The following BMPER variants were observed in gnomAD, a reference collection of about 807,000 sequenced individuals.
BMPER encodes the protein BMP-binding endothelial regulator protein.
Under a neutral mutation model 87.3 loss-of-function variants are expected in BMPER, and 45 were observed. The observed-to-expected ratio is 0.52, with a 90% CI of 0.41 to 0.66. The LOEUF (loss-of-function observed/expected upper bound fraction) is 0.66, where lower values mean the gene tolerates loss of function less well. Ranked by LOEUF, BMPER falls within the 30% of genes least tolerant of loss-of-function variation. BMPER has a pLI of 0.00. For missense variants in BMPER, 784 were observed against 867.5 expected, an observed-to-expected ratio of 0.90 and a Z score of 1.21; for synonymous variants, 326 against 316.2, an observed-to-expected ratio of 1.03 and a Z score of -0.33.
chr7:33,976,032 A>G (rs1249658209), intron 6 of BMPER, among the ~76,000 whole-genome samples: 6 of 152,188 alleles, frequency 3.9e-5, no homozygotes, highest in Admixed American at 3.3e-4. Flanking sequence ...TACATCAGGT[A>G]TATAATAATA....
At chr7:34,103,046 A>C (rs909099895) in intron 13 of BMPER, among the ~76,000 whole-genome samples, 1 of 152,148 alleles carries the variant, frequency 6.6e-6, no homozygotes, top group Non-Finnish European at 1.5e-5. Flanking sequence ...AGTTTGAAAA[A>C]TACAAAGGGC....
chr7:34,089,389 T>C (rs568995713), intron 13 of BMPER, among the ~76,000 whole-genome samples: 26 of 152,316 alleles, frequency 1.7e-4, no homozygotes, highest in Non-Finnish European at 3.4e-4. Context: ...AATTCTATGA[T>C]AATTATGAGA....
chr7:33,987,316 G>T (rs564649030), intron 6 of BMPER, among the ~76,000 whole-genome samples: 2 of 152,212 alleles, frequency 1.3e-5, no homozygotes, highest in African/African-American at 4.8e-5. Flanking sequence ...TGTTTGGTGT[G>T]TGAGCCGCGA....
intron 2 of BMPER, among the ~76,000 whole-genome samples, chr7:33,934,424 G>T (rs886356669): frequency 6.7e-6 from 1 of 149,208 alleles, no homozygotes; most frequent in South Asian, 2.1e-4. Flanking sequence ...CAATGTGACC[G>T]TTGATAGAAT....
chr7:34,056,021 T>A (rs1788274786), intron 9 of BMPER, among the ~76,000 whole-genome samples: 1 of 152,210 alleles, frequency 6.6e-6, no homozygotes, highest in Admixed American at 6.5e-5. Flanking sequence ...CCCATGAGAA[T>A]CAAGACCCAC....
rs552090455 is a variant in BMPER at position 33,974,258 on chromosome 7, G to A, written c.494-444G>A. Among the ~76,000 whole-genome samples the A allele has an allele frequency of 8.7e-4, 133 of 152,242 alleles. 2 individuals carry two copies. Among genetic ancestry groups the A allele is most frequent in the African/African-American group, 3.1e-3 (129 of 41,536 alleles). ...GGAGTGAGATTGGGGTACCTAGGAC[G>A]CGATAGAGGCTGTGCCCTTCTTAGG... On this transcript the variant is annotated intron_variant, in intron 5 of 14. Coordinates refer to ENST00000649409, the MANE Select transcript of BMPER (RefSeq NM_001365308.1).
At chr7:33,946,721 A>G (rs1240984305) in intron 3 of BMPER, among the ~76,000 whole-genome samples, 1 of 152,224 alleles carries the variant, frequency 6.6e-6, no homozygotes, top group African/African-American at 2.4e-5. Flanking sequence ...TTTTCCTCCG[A>G]AAAAGATGCT....
chr7:33,974,853 C>A, intron 6 of BMPER, 69 bp downstream of exon 6: 6 of 1,443,552 alleles, frequency 4.2e-6, no homozygotes, highest in Admixed American at 1.7e-5. Flanking sequence ...ACCAAGAGCA[C>A]CCCCGGTCTC....
At chr7:34,041,495 C>T (rs1439549141) in intron 6 of BMPER, among the ~76,000 whole-genome samples, 1 of 152,122 alleles carries the variant, frequency 6.6e-6, no homozygotes, top group Non-Finnish European at 1.5e-5. Context: ...AATCTTTACT[C>T]CAGGAAGTTA....
chr7:34,013,132 A>T (rs1171327230), intron 6 of BMPER, among the ~76,000 whole-genome samples: 1 of 151,448 alleles, frequency 6.6e-6, no homozygotes, highest in Non-Finnish European at 1.5e-5. Context: ...GCCCCAGCTC[A>T]TCTCTGCTTG....
chr7:34,084,225 C>T (rs183727216), intron 12 of BMPER, among the ~76,000 whole-genome samples: 23 of 152,200 alleles, frequency 1.5e-4, no homozygotes, highest in African/African-American at 4.6e-4. Context: ...TGCTTGAACC[C>T]GGGAGGTGGA....
intron 6 of BMPER, among the ~76,000 whole-genome samples, chr7:34,041,705 G>C (rs748064578): frequency 6.6e-6 from 1 of 152,046 alleles, no homozygotes; most frequent in Non-Finnish European, 1.5e-5. Context: ...CACTAAAGAC[G>C]TATTTCTCCC....
intron 13 of BMPER, among the ~76,000 whole-genome samples, chr7:34,124,886 A>C (rs1263037125): frequency 6.6e-6 from 1 of 152,036 alleles, no homozygotes; most frequent in East Asian, 1.9e-4. Flanking sequence ...TGTTACATTT[A>C]TTGTATATTA....
Position 34,153,349 on chromosome 7 carries a change from G to T in BMPER, c.*76G>T. 6.7e-7 allele frequency: 1 copy of T among 1,486,274 alleles called. No homozygotes were observed. Among genetic ancestry groups the T allele is most frequent in the Non-Finnish European group, 9.4e-7 (1 of 1,066,538 alleles). The allele number at this position is 1,486,274 out of a possible 1,614,324, so 92.1% of individuals were successfully genotyped here. A position where few individuals can be genotyped will look rare whatever the true frequency, so the allele number is the denominator to read the frequency against. On this transcript the variant is annotated 3_prime_UTR_variant, in exon 15 of 15. Coordinates refer to ENST00000649409, the MANE Select transcript of BMPER (RefSeq NM_001365308.1). ...GCGGAAGAGCCAATGAAGGACTGCA[G>T]TATTTGTGTGCCCGATTCTGTAAAC...
At chr7:33,981,890 T>G (rs1221745499) in intron 6 of BMPER, among the ~76,000 whole-genome samples, 3 of 152,192 alleles carry the variant, frequency 2.0e-5, no homozygotes, top group South Asian at 4.1e-4. Context: ...GTTTGAAAAG[T>G]GTTCCTAAGC....
At chr7:34,115,830 A>G (rs1790104381) in intron 13 of BMPER, among the ~76,000 whole-genome samples, 1 of 152,178 alleles carries the variant, frequency 6.6e-6, no homozygotes, top group African/African-American at 2.4e-5. Context: ...TCTGTTTTCA[A>G]TTCTTTAGGA....
chr7:33,923,501 G>C (rs1784284417), intron 2 of BMPER, among the ~76,000 whole-genome samples: 1 of 152,198 alleles, frequency 6.6e-6, no homozygotes, highest in South Asian at 2.1e-4. Flanking sequence ...AGGTTGGAAG[G>C]TGTGATAATT....
At chr7:33,970,180 C>T in intron 4 of BMPER, 149 bp from the exon 5 acceptor site, 2 of 735,918 alleles carry the variant, frequency 2.7e-6, no homozygotes, top group South Asian at 1.5e-5. Flanking sequence ...TGGATCTCAC[C>T]TCGTTGGTGT....
In BMPER at chr7:34,078,865, G is replaced by A. The variant is rs117322489; in HGVS notation, c.1087G>A (p.Val363Ile). Residue 363 changes from valine (V) to isoleucine (I), a missense_variant, in exon 12 of 15, where the codon GTT becomes ATT. Transcript: ENST00000649409. Reference sequence around the variant, plus strand: ...CTCTCACTCCTCCGCAGAGCCCGGCGTTTGCACGGTGTTTGGAGATCCCCA... The same window carrying A: ...CTCTCACTCCTCCGCAGAGCCCGGCATTTGCACGGTGTTTGGAGATCCCCA... ...CCPICTEKPG[V>I]CTVFGDPHYN... 7.4e-4 allele frequency: 1,196 copies of A among 1,614,040 alleles called. 4 individuals are homozygous for A. The African/African-American group carries it at 0.014, about 18-fold the overall frequency.
Sources: gnomAD v4.1 joint callset for allele counts (sites outside exome capture counted in the v4.1 genomes callset) on GRCh38, gnomAD v4.1.1 for gene constraint, MANE v1.5 for transcripts, NCBI Gene and HGNC (gene_info 2026-07-23, HGNC 2026-07-21) for gene names.